Variants in ADCY3 observed in about 807,000 individuals in gnomAD.
ADCY3 encodes the protein adenylate cyclase 3, also known as adenylate cyclase type 3.
ADCY3 carries 70 observed loss-of-function variants against 119.4 expected under a neutral mutation model. The observed-to-expected ratio is 0.59, with a 90% CI of 0.48 to 0.72. The LOEUF (loss-of-function observed/expected upper bound fraction) is 0.72, where lower values mean the gene tolerates loss of function less well. Ranked by LOEUF, ADCY3 falls within the 30% of genes least tolerant of loss-of-function variation. ADCY3 has a pLI of 0.00. For synonymous variants in ADCY3, 672 were observed against 621.4 expected (o/e 1.08, Z -1.21); for missense variants, 1,238 against 1,541.6 (o/e 0.80, Z 3.30).
Position 24,828,024 on chromosome 2 carries a change from C to T in ADCY3, c.2310G>A (p.Gln770=), listed in dbSNP as rs768315783. The change falls in exon 14 of 22, where the codon CAG becomes CAA. Residue 770 remains glutamine (Q), a synonymous_variant. Coordinates refer to ENST00000679454, the MANE Select transcript of ADCY3 (RefSeq NM_004036.5). ...GCGTGAGCTTCACCATGTGGCTGAC[C>T]TGCACCAGCATGATGGTGGCGATGA... ...LSLIATIMLV[Q]VSHMVKLTLM... is the part of the protein sequence containing the mutation. The T allele has an allele frequency of 2.5e-5, 41 of 1,614,138 alleles. No individual in the cohort carries two copies. In the African/African-American group the frequency reaches 4.8e-4, roughly 19 times the overall value.
At position 24,841,990 on chromosome 2, in the gene ADCY3, A is replaced by C. The variant is rs527377959; in HGVS notation, c.956+264T>G. Among the ~76,000 whole-genome samples the C allele has an allele frequency of 6.6e-6, 1 of 152,282 alleles. No individual in the cohort carries two copies. The highest frequency in any genetic ancestry group is 2.1e-4 in the South Asian group (1 of 4,832). On this transcript the variant is annotated intron_variant, in intron 4 of 21. Coordinates refer to ENST00000679454, the MANE Select transcript of ADCY3 (RefSeq NM_004036.5). The surrounding 1 kb of genome is among the most constrained non-coding windows in gnomAD (Gnocchi z 5.8). ...GGCTCTAGCCCCAGTGCTGGCCCTC[A>C]ACAGCTGGGTGACCTCACAGGAGTC...
intron 2 of ADCY3, among the ~76,000 whole-genome samples, chr2:24,913,285 C>T (rs748861191): frequency 1.4e-4 from 22 of 151,812 alleles, no homozygotes; most frequent in Non-Finnish European, 2.5e-4. Context: ...CTCCTGGCCA[C>T]GTGCCCACAG....
chr2:24,910,399 T>C (rs1663440119), intron 2 of ADCY3, among the ~76,000 whole-genome samples: 1 of 152,116 alleles, frequency 6.6e-6, no homozygotes, highest in Admixed American at 6.5e-5. Flanking sequence ...TTTTGCCATG[T>C]TGCCCAGGTT....
intron 18 of ADCY3, among the ~76,000 whole-genome samples, chr2:24,822,865 G>GC (rs1347465521): frequency 1.1e-4 from 16 of 152,134 alleles, no homozygotes. Flanking sequence ...TCCTAGGGGG[G>GC]CTCCGCGCGT....
intron 2 of ADCY3, among the ~76,000 whole-genome samples, chr2:24,894,070 A>G (rs993666051): frequency 2.6e-5 from 4 of 151,872 alleles, no homozygotes; most frequent in East Asian, 1.9e-4. Flanking sequence ...ATTCTATTTT[A>G]TCTCCATTAT....
intron 2 of ADCY3, among the ~76,000 whole-genome samples, chr2:24,913,247 C>T (rs79841523): frequency 6.6e-6 from 1 of 152,234 alleles, no homozygotes; most frequent in Non-Finnish European, 1.5e-5. Context: ...GCTCCTGTCC[C>T]GATTCAGCCC....
intron 2 of ADCY3, among the ~76,000 whole-genome samples, chr2:24,890,109 T>G (rs972420866): frequency 6.6e-6 from 1 of 152,202 alleles, no homozygotes; most frequent in Non-Finnish European, 1.5e-5. Flanking sequence ...TCCTTTTCAG[T>G]AGGCTAATGT....
In ADCY3 at chr2:24,850,850, T is replaced by C. The variant is rs146708086; in HGVS notation, c.826-8466A>G. ...ACAACAGTATTGTTTATCATTGCAA[T>C]AAAGTACAGAGAGAGAAGAGCGGGA... On this transcript the variant is annotated intron_variant, in intron 3 of 21. Coordinates refer to ENST00000679454, the MANE Select transcript of ADCY3 (RefSeq NM_004036.5). Among the ~76,000 whole-genome samples, 696 of 152,200 alleles carry C rather than the reference T, an allele frequency of 4.6e-3. 9 individuals carry two copies. Among genetic ancestry groups the C allele is most frequent in the African/African-American group, 0.016 (674 of 41,532 alleles).
At chr2:24,883,639 A>C (rs1676677412) in intron 2 of ADCY3, among the ~76,000 whole-genome samples, 1 of 152,226 alleles carries the variant, frequency 6.6e-6, no homozygotes, top group Non-Finnish European at 1.5e-5. Flanking sequence ...TATAAGCAAC[A>C]CTGGGTACAT....
At chr2:24,847,796 G>A (rs376827760) in intron 3 of ADCY3, among the ~76,000 whole-genome samples, 175 of 152,370 alleles carry the variant, frequency 1.1e-3, no homozygotes, top group African/African-American at 4.1e-3. Flanking sequence ...CAGCTCTTGA[G>A]GGCAGCCTCT....
chr2:24,866,787 A>T (rs1457634678), intron 3 of ADCY3, among the ~76,000 whole-genome samples: 1 of 152,148 alleles, frequency 6.6e-6, no homozygotes, highest in Non-Finnish European at 1.5e-5. Flanking sequence ...AAAATATATA[A>T]TTGAAATTGA....
At chr2:24,848,010 C>T (rs1049817045) in intron 3 of ADCY3, among the ~76,000 whole-genome samples, 1 of 152,224 alleles carries the variant, frequency 6.6e-6, no homozygotes, top group African/African-American at 2.4e-5. Flanking sequence ...ATCATGAGTG[C>T]TGGCCTGGCT....
At chr2:24,917,525 G>A (rs940946520) in intron 2 of ADCY3, among the ~76,000 whole-genome samples, 9 of 152,200 alleles carry the variant, frequency 5.9e-5, no homozygotes, top group African/African-American at 2.2e-4. Flanking sequence ...TGCAGCCCCT[G>A]AGGGCCTGGC....
At chr2:24,845,007 T>C (rs13428821) in intron 3 of ADCY3, among the ~76,000 whole-genome samples, 19,954 of 152,186 alleles carry the variant, frequency 0.13, 1,868 homozygotes, top group African/African-American at 0.26. Flanking sequence ...GCTTTTGCTT[T>C]TTGCTCATTT....
chr2:24,900,088 T>C (rs1230465400), intron 2 of ADCY3, among the ~76,000 whole-genome samples: 9 of 151,786 alleles, frequency 5.9e-5, no homozygotes, highest in African/African-American at 2.2e-4. Flanking sequence ...TATGTTAGAT[T>C]GAATCATATG....
rs748779922 is a variant in ADCY3 at position 24,841,312 on chromosome 2, C to T, written c.1143G>A (p.Glu381=). The change falls in exon 6 of 22, where the codon GAG becomes GAA. Residue 381 remains glutamate, a synonymous_variant. Coordinates refer to ENST00000679454, the MANE Select transcript of ADCY3 (RefSeq NM_004036.5). This position sits in a 1 kb window ranked among gnomAD's most constrained non-coding sequence, Gnocchi z 5.8. ...YCICGLPDYR[E]DHAVCSILMG... ...TGAGGATGGAGCAGACGGCGTGGTC[C>T]TCCCGGTAGTCGGGCAAGCCGCAGA... 5 of 1,585,334 alleles carry T rather than the reference C, an allele frequency of 3.2e-6. No individual in the cohort carries two copies. Among genetic ancestry groups the T allele is most frequent in the Non-Finnish European group, 3.4e-6 (4 of 1,166,320 alleles).
At chr2:24,825,153 G>A (rs1558403624) in intron 16 of ADCY3, among the ~76,000 whole-genome samples, 1 of 152,130 alleles carries the variant, frequency 6.6e-6, no homozygotes, top group Non-Finnish European at 1.5e-5. Context: ...CCAACTCAGG[G>A]TGGAGTCCCC....
chr2:24,864,979 G>A (rs1674105634), intron 3 of ADCY3, among the ~76,000 whole-genome samples: 2 of 152,114 alleles, frequency 1.3e-5, no homozygotes. Flanking sequence ...TATATACTAT[G>A]ATATAATAAA....
Position 24,919,032 on chromosome 2 carries a change from C to A in ADCY3, c.-45G>T. On this transcript the variant is annotated 5_prime_UTR_variant, in exon 2 of 22. Transcript: ENST00000679454. This position sits in a 1 kb window ranked among gnomAD's most constrained non-coding sequence, Gnocchi z 5.5. Reference sequence around the variant, plus strand: ...TGGCCCTAGAGAAGTGGACTGGGAACGGAGGAAGAGCTCTGGACTGGGCCT... The same window carrying A: ...TGGCCCTAGAGAAGTGGACTGGGAAAGGAGGAAGAGCTCTGGACTGGGCCT... The A allele has an allele frequency of 1.3e-6, 2 of 1,497,746 alleles. No homozygotes were observed. Among genetic ancestry groups the A allele is most frequent in the Non-Finnish European group, 8.9e-7 (1 of 1,125,094 alleles). The allele number at this position is 1,497,746 out of a possible 1,614,324, so 92.8% of individuals were successfully genotyped here.
Sources: allele counts gnomAD v4.1 joint callset (sites outside exome capture counted in the v4.1 genomes callset), GRCh38; gene constraint gnomAD v4.1.1; non-coding constraint Gnocchi (gnomAD v3.1); transcripts MANE v1.5; gene names NCBI Gene and HGNC (gene_info 2026-07-23, HGNC 2026-07-21).